CASKIN2: variants seen among roughly 807,000 people sequenced by gnomAD.
CASKIN2 encodes the protein caskin-2.
CASKIN2 carries 41 observed loss-of-function variants against 107.1 expected under a neutral mutation model. That is an observed-to-expected ratio of 0.38 (90% CI 0.30 to 0.50). The LOEUF is 0.50. CASKIN2 is among the 20% of genes least tolerant of loss of function. The probability of loss-of-function intolerance (pLI) is 0.92; values close to 1 mark genes in which losing one functional copy is unlikely to be tolerated. For synonymous variants in CASKIN2, 724 were observed against 705.6 expected (o/e 1.03, Z -0.41); for missense variants, 1,546 against 1,657.4 (o/e 0.93, Z 1.17).
At position 75,507,689 on chromosome 17, in the gene CASKIN2, G is replaced by A. The variant is rs750373605; in HGVS notation, c.147-8C>T. ...TGGTGGAGGGCAGAGAATCTGATGTGGGAGGACACAAAGTTAGGGGTGTTG... is the reference window on the plus strand; with the variant it reads ...TGGTGGAGGGCAGAGAATCTGATGTAGGAGGACACAAAGTTAGGGGTGTTG... On this transcript the variant is annotated splice_polypyrimidine_tract_variant and splice_region_variant and intron_variant, in intron 3 of 19. Transcript: ENST00000321617. The A allele has an allele frequency of 1.5e-5, 24 of 1,605,428 alleles. No individual in the cohort carries two copies. Among genetic ancestry groups the A allele is most frequent in the Non-Finnish European group, 1.9e-5 (22 of 1,174,460 alleles).
At position 75,505,782 on chromosome 17, in the gene CASKIN2, C is replaced by A; in HGVS notation, c.835+39G>T. 1 of 1,599,376 alleles carries A rather than the reference C, an allele frequency of 6.3e-7. No individual in the cohort carries two copies. Among genetic ancestry groups the A allele is most frequent in the Non-Finnish European group, 8.5e-7 (1 of 1,169,886 alleles). ...CACATCCTGGTACCACTTGAGCGGC[C>A]CCAGGCCCCCTGGGCAGGGTATCCT... is the stretch of plus-strand genomic sequence containing the variant. On this transcript the variant is annotated intron_variant, in intron 9 of 19. Coordinates refer to ENST00000321617, the MANE Select transcript of CASKIN2 (RefSeq NM_020753.5). This position sits in a 1 kb window ranked among gnomAD's most constrained non-coding sequence, Gnocchi z 5.1.
chr17:75,505,939 C>A lies in CASKIN2; in HGVS notation c.727-10G>T. The stretch of plus-strand genomic sequence containing the variant: ...TCACGTCCACACCTCCCTGGGTGCA[C>A]AGTGTCACATGAGCACACGCTAAGC... On this transcript the variant is annotated splice_polypyrimidine_tract_variant and intron_variant, in intron 8 of 19. Coordinates refer to ENST00000321617, the MANE Select transcript of CASKIN2 (RefSeq NM_020753.5). The surrounding 1 kb of genome is among the most constrained non-coding windows in gnomAD (Gnocchi z 5.1). 1 of 1,611,760 alleles carries A rather than the reference C, an allele frequency of 6.2e-7. No homozygotes were observed. The highest frequency in any genetic ancestry group is 8.5e-7 in the Non-Finnish European group (1 of 1,178,674).
intron 13 of CASKIN2, 28 bp from the exon 14 acceptor site, chr17:75,504,334 A>G (rs1473350194): frequency 6.2e-7 from 1 of 1,600,326 alleles, no homozygotes; most frequent in East Asian, 2.3e-5. Flanking sequence ...AATGGAATGG[A>G]AAGGTGGCAG....
At chr17:75,510,768 T>C (rs2053309715) in intron 2 of CASKIN2, among the ~76,000 whole-genome samples, 1 of 121,834 alleles carries the variant, frequency 8.2e-6, no homozygotes, top group African/African-American at 2.5e-5. Context: ...TTTCTTAATT[T>C]TTTTGTAGAG....
chr17:75,502,046 C>G lies in CASKIN2; in HGVS notation c.3028G>C (p.Gly1010Arg). 1 of 1,612,476 alleles carries G rather than the reference C, an allele frequency of 6.2e-7. No individual in the cohort carries two copies. The highest frequency in any genetic ancestry group is 1.1e-5 in the South Asian group (1 of 91,070). Residue 1010 changes from glycine to arginine, a missense_variant, in exon 18 of 20, where the codon GGA becomes CGA. Around this residue, in one of 6 missense-constraint regions of CASKIN2, gnomAD observed 1,311 missense variants for 1,311.0 expected, o/e 1.00. Transcript: ENST00000321617. The surrounding 1 kb of genome is among the most constrained non-coding windows in gnomAD (Gnocchi z 4.3). ...EPLQTALLAF[G>R]VASATPGPAA... ...GGGCCAGGCGTGGCACTGGCCACTC[C>G]GAAGGCCAGCAGTGCGGTCTGCAGT... is the stretch of plus-strand genomic sequence containing the variant.
At chr17:75,504,149 C>A (rs1221439028) in intron 14 of CASKIN2, 66 bp downstream of exon 14, 1 of 1,479,308 alleles carries the variant, frequency 6.8e-7, no homozygotes, top group African/African-American at 1.4e-5. Context: ...CCGAGGCCCA[C>A]GGTGCACCCC....
chr17:75,501,576 C>T lies in CASKIN2; in HGVS notation c.3410G>A (p.Gly1137Glu), dbSNP rs1040047205. 2.5e-6 allele frequency: 4 copies of T among 1,610,280 alleles called. No individual in the cohort carries two copies. The African/African-American group carries it at 5.3e-5, about 22-fold the overall frequency. Residue 1137 changes from glycine (G) to glutamate (E), a missense_variant, in exon 19 of 20, where the codon GGG becomes GAG. By Grantham distance (98) the Gly-to-Glu change is moderately conservative. This residue lies in a region of CASKIN2 where 1,311 missense variants were observed against 1,311.0 expected (regional missense o/e 1.00). Coordinates refer to ENST00000321617, the MANE Select transcript of CASKIN2 (RefSeq NM_020753.5). The part of the protein sequence containing the change: ...PVPPPRPEST[G>E]TVGPGQAQQR... ...CTGGGCCTGGCCTGGGCCCACAGTC[C>T]CAGTGCTCTCAGGCCGTGGAGGAGG...
At chr17:75,514,576 C>T (rs967455529) in intron 1 of CASKIN2, among the ~76,000 whole-genome samples, 2 of 152,286 alleles carry the variant, frequency 1.3e-5, no homozygotes, top group African/African-American at 4.8e-5. Context: ...AACTGGCGGG[C>T]CAGGAGGTGG....
At chr17:75,511,068 T>TTC (rs2053312105) in intron 2 of CASKIN2, among the ~76,000 whole-genome samples, 1 of 148,412 alleles carries the variant, frequency 6.7e-6, no homozygotes. Flanking sequence ...CCTTTTTTTT[T>TTC]TTTTTTTTTT....
Position 75,502,301 on chromosome 17 carries a change from G to C in CASKIN2, c.2773C>G (p.Pro925Ala). The change falls in exon 18 of 20, where the codon CCC (proline) becomes GCC (alanine). Residue 925 changes from proline (P) to alanine (A), a missense_variant. Physicochemically the swap from Pro to Ala is conservative, Grantham distance 27. Coordinates refer to ENST00000321617, the MANE Select transcript of CASKIN2 (RefSeq NM_020753.5). This position sits in a 1 kb window ranked among gnomAD's most constrained non-coding sequence, Gnocchi z 4.3. ...TCCTCCTCCTCCGTGTCTGACGCGG[G>C]CCCAGCCGGGGCAGGTGGGCCAGGG... ...EPPGPPAPAG[P>A]ASDTEEEEPG... The C allele has an allele frequency of 6.7e-7, 1 of 1,496,694 alleles. No individual in the cohort carries two copies. The highest frequency in any genetic ancestry group is 1.3e-5 in the South Asian group (1 of 74,472). 92.7% of individuals were successfully genotyped at this position (1,496,694 alleles called of 1,614,324 possible).
chr17:75,503,793 C>T (rs774910410), intron 15 of CASKIN2, 33 bp from the exon 16 acceptor site: 2 of 1,610,768 alleles, frequency 1.2e-6, no homozygotes, highest in Non-Finnish European at 1.7e-6. Flanking sequence ...CAGGCCCCTC[C>T]CCCGCCTGCT....
Position 75,500,563 on chromosome 17 carries a change from G to A in CASKIN2, c.*517C>T, listed in dbSNP as rs976437062. ...TGCTAGCCCTGCCTCAGTGAGGGAA[G>A]GCGGGGGCAGGAGCTGCCTGGGCAC... On this transcript the variant is annotated 3_prime_UTR_variant, in exon 20 of 20. Transcript: ENST00000321617. 1 of 157,426 alleles carries A rather than the reference G, an allele frequency of 6.4e-6. No homozygotes were observed. Among genetic ancestry groups the A allele is most frequent in the East Asian group, 1.9e-4 (1 of 5,248 alleles). 9.8% of individuals were successfully genotyped at this position (157,426 alleles called of 1,614,324 possible).
Position 75,505,254 on chromosome 17 carries a change from T to A in CASKIN2, c.931-181A>T, listed in dbSNP as rs2146987294. On this transcript the variant is annotated intron_variant, in intron 10 of 19. Coordinates refer to ENST00000321617, the MANE Select transcript of CASKIN2 (RefSeq NM_020753.5). This position sits in a 1 kb window ranked among gnomAD's most constrained non-coding sequence, Gnocchi z 5.1. The stretch of plus-strand genomic sequence containing the variant: ...CCTGCTGCCAGCAGCCAGCTCAATC[T>A]CCCCTGTGCCTCCAGGGCGAGCCCC... 2 of 715,650 alleles carry A rather than the reference T, an allele frequency of 2.8e-6. No homozygotes were observed. Among genetic ancestry groups the A allele is most frequent in the Non-Finnish European group, 2.3e-6 (1 of 434,260 alleles). The allele number at this position is 715,650 out of a possible 1,614,324, so 44.3% of individuals were successfully genotyped here.
chr17:75,513,462 T>G (rs1374906987), intron 2 of CASKIN2, among the ~76,000 whole-genome samples: 2 of 152,124 alleles, frequency 1.3e-5, no homozygotes, highest in Non-Finnish European at 2.9e-5. Context: ...TGAATGAACG[T>G]ACTTCAACCC....
chr17:75,508,447 A>G (rs1044009701), intron 2 of CASKIN2, among the ~76,000 whole-genome samples, 162 bp from the exon 3 acceptor site: 8 of 152,092 alleles, frequency 5.3e-5, no homozygotes, highest in African/African-American at 1.9e-4. Flanking sequence ...ACCCTGGCCC[A>G]CCGGCCCAGC....
chr17:75,511,124 A>G (rs977718018), intron 2 of CASKIN2, among the ~76,000 whole-genome samples: 4 of 145,356 alleles, frequency 2.8e-5, no homozygotes, highest in African/African-American at 7.7e-5. Flanking sequence ...GCAGTGGTAC[A>G]ATCTCAGCTC....
At chr17:75,508,384 C>A (rs1050915838) in intron 2 of CASKIN2, 99 bp from the exon 3 acceptor site, 2 of 1,333,422 alleles carry the variant, frequency 1.5e-6, no homozygotes, top group Non-Finnish European at 2.1e-6. Context: ...TCTTGGCGTG[C>A]AGGAAAGCAC....
rs1417708204 is a variant in CASKIN2, at chr17:75,507,791, G to GC, written c.147-111dup. The GC allele has an allele frequency of 9.9e-6, 8 of 805,202 alleles. No individual in the cohort carries two copies. The East Asian group carries it at 1.1e-4, about 11-fold the overall frequency. 49.9% of individuals were successfully genotyped at this position (805,202 alleles called of 1,614,324 possible). ...GGGGGCTGGCAGGGATGGGTTACTGGCCCCCCCAACCCCAGCAGCCCTGCC... is the reference window on the plus strand; with the variant it reads ...GGGGGCTGGCAGGGATGGGTTACTGGCCCCCCCCAACCCCAGCAGCCCTGCC... On this transcript the variant is annotated intron_variant, in intron 3 of 19. Transcript: ENST00000321617.
In CASKIN2 at chr17:75,500,336, T is replaced by C. The variant is rs911280896; in HGVS notation, c.*744A>G. On this transcript the variant is annotated 3_prime_UTR_variant, in exon 20 of 20. Coordinates refer to ENST00000321617, the MANE Select transcript of CASKIN2 (RefSeq NM_020753.5). ...GTTACAGAGCCAGGGCCTGGGCCAA[T>C]GGGGTCAGGCTCTCCCTGCCCTCAG... The C allele has an allele frequency of 6.6e-6, 1 of 151,958 alleles. No individual in the cohort carries two copies. The highest frequency in any genetic ancestry group is 2.4e-5 in the African/African-American group (1 of 41,298). The allele number at this position is 151,958 out of a possible 1,614,324, so 9.4% of individuals were successfully genotyped here. A position where few individuals can be genotyped will look rare whatever the true frequency, so the allele number is the denominator to read the frequency against.
Sources: gnomAD v4.1 joint callset for allele counts (sites outside exome capture counted in the v4.1 genomes callset) on GRCh38, gnomAD v4.1.1 for gene constraint, gnomAD v4.1.1 regional missense constraint, Gnocchi (gnomAD v3.1) non-coding constraint, MANE v1.5 for transcripts, NCBI Gene and HGNC (gene_info 2026-07-23, HGNC 2026-07-21) for gene names.